Variants in SMAD4 observed in about 807,000 individuals in gnomAD.
SMAD4 encodes the protein SMAD family member 4.
A neutral mutation model predicts 63.2 loss-of-function variants in SMAD4; 7 were observed. The ratio of observed to expected loss-of-function variants is 0.11; its 90% CI spans 0.06 to 0.21. The LOEUF is 0.21. Ranked by LOEUF, SMAD4 falls within the 10% of genes least tolerant of loss-of-function variation. SMAD4 has a pLI of 1.00. For synonymous variants in SMAD4, 215 were observed against 235.4 expected (o/e 0.91, Z 0.79); for missense variants, 312 against 693.8 (o/e 0.45, Z 6.18).
intron 1 of SMAD4, among the ~76,000 whole-genome samples, chr18:51,045,849 G>T (rs533777459): frequency 2.6e-4 from 40 of 152,092 alleles, no homozygotes; most frequent in African/African-American, 9.4e-4. Flanking sequence ...CTGTGGATTT[G>T]CCTATTCTGT....
intron 2 of SMAD4, among the ~76,000 whole-genome samples, chr18:51,047,855 C>T (rs988734543): frequency 1.3e-5 from 2 of 152,142 alleles, no homozygotes; most frequent in Non-Finnish European, 2.9e-5. Flanking sequence ...GTGATCCACC[C>T]GCCTCAGCCT....
In SMAD4 at chr18:51,047,011, G is replaced by T. The variant is rs1909563998; in HGVS notation, c.-36G>T. ...AGGATCAAAATTGCTTCAGAAATTG[G>T]AGACATATTTGATTTAAAAGGAAAA... On this transcript the variant is annotated 5_prime_UTR_variant, in exon 2 of 12. Coordinates refer to ENST00000342988, the MANE Select transcript of SMAD4 (RefSeq NM_005359.6). The T allele has an allele frequency of 6.2e-7, 1 of 1,600,710 alleles. No individual in the cohort carries two copies. The highest frequency in any genetic ancestry group is 1.7e-5 in the Admixed American group (1 of 59,950).
intron 5 of SMAD4, among the ~76,000 whole-genome samples, chr18:51,055,439 A>G (rs1002331417): frequency 2.0e-5 from 3 of 152,104 alleles, no homozygotes; most frequent in Non-Finnish European, 4.4e-5. Context: ...GATCTTGACA[A>G]ATTTGTTATA....
rs748143311 is a variant in SMAD4 at position 51,046,975 on chromosome 18, A to G, written c.-72A>G. 6 of 1,425,550 alleles carry G rather than the reference A, an allele frequency of 4.2e-6. No individual in the cohort carries two copies. The East Asian group carries it at 1.4e-4, about 33-fold the overall frequency. 88.3% of individuals were successfully genotyped at this position (1,425,550 alleles called of 1,614,324 possible). ...CTTGCAACGTTAGCTGTTGTTTTTC[A>G]CTGTTTCCAAAGGATCAAAATTGCT... On this transcript the variant is annotated 5_prime_UTR_variant, in exon 2 of 12. Coordinates refer to ENST00000342988, the MANE Select transcript of SMAD4 (RefSeq NM_005359.6).
chr18:51,042,490 G>A (rs1332807934), intron 1 of SMAD4, among the ~76,000 whole-genome samples: 1 of 151,912 alleles, frequency 6.6e-6, no homozygotes, highest in Admixed American at 6.6e-5. Flanking sequence ...TCCCACCTCA[G>A]CCTTCTGAGT....
chr18:51,033,304 G>A (rs1909106368), intron 1 of SMAD4, among the ~76,000 whole-genome samples: 1 of 150,918 alleles, frequency 6.6e-6, no homozygotes, highest in South Asian at 2.1e-4. Flanking sequence ...ATTCTCCTGC[G>A]TCAGCCTCCT....
At chr18:51,044,172 T>G (rs1481506172) in intron 1 of SMAD4, among the ~76,000 whole-genome samples, 1 of 152,174 alleles carries the variant, frequency 6.6e-6, no homozygotes, top group Non-Finnish European at 1.5e-5. Context: ...TTCTACTGAG[T>G]CTCACTCTGT....
chr18:51,081,589 G>A lies in SMAD4; in HGVS notation c.*3122G>A. 4.3e-6 allele frequency: 1 copy of A among 232,620 alleles called. No individual in the cohort carries two copies. The highest frequency in any genetic ancestry group is 5.6e-5 in the Admixed American group (1 of 17,778). 14.4% of individuals were successfully genotyped at this position (232,620 alleles called of 1,614,324 possible). A position where few individuals can be genotyped will look rare whatever the true frequency, so the allele number is the denominator to read the frequency against. On this transcript the variant is annotated 3_prime_UTR_variant, in exon 12 of 12. Transcript: ENST00000342988. ...TTACAGGTTGCATGGTCTGGCTTAAGGAGAGCCATACTTGAGACATGTGAG... is the reference window on the plus strand; with the variant it reads ...TTACAGGTTGCATGGTCTGGCTTAAAGAGAGCCATACTTGAGACATGTGAG...
chr18:51,038,833 TATG>T (rs1408851527), intron 1 of SMAD4, among the ~76,000 whole-genome samples: 14 of 152,354 alleles, frequency 9.2e-5, no homozygotes, highest in Admixed American at 3.3e-4. Context: ...TTATTTATAA[TATG>T]ATAAATATCA....
intron 1 of SMAD4, among the ~76,000 whole-genome samples, chr18:51,044,645 G>A (rs1013501838): frequency 2.0e-5 from 3 of 152,088 alleles, no homozygotes; most frequent in Non-Finnish European, 4.4e-5. Context: ...CACCTGCGTC[G>A]GCCTCCCAAA....
chr18:51,038,243 C>T (rs1048154788), intron 1 of SMAD4, among the ~76,000 whole-genome samples: 1 of 100,492 alleles, frequency 1.0e-5, no homozygotes, highest in African/African-American at 4.5e-5. Flanking sequence ...GGCTACAGAG[C>T]GAGACTGTGG....
chr18:51,034,523 T>TGCC (rs1477147843), intron 1 of SMAD4, among the ~76,000 whole-genome samples: 2 of 152,190 alleles, frequency 1.3e-5, no homozygotes, highest in East Asian at 3.9e-4. Flanking sequence ...GGTGCTGGGA[T>TGCC]TATAGGCATG....
At position 51,083,477 on chromosome 18, in the gene SMAD4, TGTA is replaced by T. The variant is rs1910659514; in HGVS notation, c.*5014_*5016del. 4.4e-6 allele frequency: 1 copy of T among 226,652 alleles called. No individual in the cohort carries two copies. The highest frequency in any genetic ancestry group is 2.2e-5 in the African/African-American group (1 of 44,632). The allele number at this position is 226,652 out of a possible 1,614,324, so 14.0% of individuals were successfully genotyped here. A position where few individuals can be genotyped will look rare whatever the true frequency, so the allele number is the denominator to read the frequency against. ...TTTTTTTCTGTTTTTTTTTTTCTAA[TGTA>T]GTAAGGACTAAGGAAAACCTTTGGT... On this transcript the variant is annotated 3_prime_UTR_variant, in exon 12 of 12. Coordinates refer to ENST00000342988, the MANE Select transcript of SMAD4 (RefSeq NM_005359.6).
In SMAD4 at chr18:51,047,430, T is replaced by C. The variant is rs564167931; in HGVS notation, c.249+135T>C. The C allele has an allele frequency of 1.4e-3, 1,067 of 769,832 alleles. 5 individuals carry two copies. In the African/African-American group the frequency reaches 0.017, roughly 12 times the overall value. 47.7% of individuals were successfully genotyped at this position (769,832 alleles called of 1,614,324 possible). On this transcript the variant is annotated intron_variant, in intron 2 of 11. Coordinates refer to ENST00000342988, the MANE Select transcript of SMAD4 (RefSeq NM_005359.6). The stretch of plus-strand genomic sequence containing the variant: ...AGATACTGTGCATCCTGTACAAATA[T>C]GCATTATGGGAATTTCTGGAAGAAT...
In SMAD4 at chr18:51,081,626, CATATT is replaced by C; in HGVS notation, c.*3161_*3165del. 4.3e-6 allele frequency: 1 copy of C among 232,826 alleles called. No individual in the cohort carries two copies. The highest frequency in any genetic ancestry group is 8.5e-6 in the Non-Finnish European group (1 of 117,822). The allele number at this position is 232,826 out of a possible 1,614,324, so 14.4% of individuals were successfully genotyped here. On this transcript the variant is annotated 3_prime_UTR_variant, in exon 12 of 12. Coordinates refer to ENST00000342988, the MANE Select transcript of SMAD4 (RefSeq NM_005359.6). The stretch of plus-strand genomic sequence containing the variant: ...TTGAGACATGTGAGTAAACTGAACT[CATATT>C]AGCTGTGCTGCATTTCAGACTTAAA...
chr18:51,068,786 T>C (rs1049168566), intron 10 of SMAD4, among the ~76,000 whole-genome samples: 1 of 152,034 alleles, frequency 6.6e-6, no homozygotes, highest in African/African-American at 2.4e-5. Context: ...CTGGGTGTGG[T>C]GGTGCATGCC....
chr18:51,061,520 A>G (rs1432105287), intron 8 of SMAD4, among the ~76,000 whole-genome samples: 1 of 152,162 alleles, frequency 6.6e-6, no homozygotes, highest in African/African-American at 2.4e-5. Flanking sequence ...TGTTGTCTCA[A>G]GTGACTGAAT....
intron 7 of SMAD4, 149 bp from the exon 8 acceptor site, chr18:51,059,717 G>A (rs1053347354): frequency 3.5e-5 from 23 of 662,074 alleles, no homozygotes; most frequent in Admixed American, 5.0e-5. Flanking sequence ...TTTGCTTATT[G>A]TAAACTTTTA....
intron 10 of SMAD4, among the ~76,000 whole-genome samples, chr18:51,073,414 C>T (rs1261412349): frequency 1.4e-5 from 2 of 142,880 alleles, no homozygotes; most frequent in East Asian, 4.0e-4. Flanking sequence ...CACACACACA[C>T]ACACACACAC....
Sources: gnomAD v4.1 joint callset for allele counts (sites outside exome capture counted in the v4.1 genomes callset) on GRCh38, gnomAD v4.1.1 for gene constraint, MANE v1.5 for transcripts, NCBI Gene and HGNC (gene_info 2026-07-23, HGNC 2026-07-21) for gene names.